The following BIRC6 variants were observed in gnomAD, a reference collection of about 807,000 sequenced individuals.
BIRC6 encodes the protein baculoviral IAP repeat containing 6, also known as dual E2 ubiquitin-conjugating enzyme/E3 ubiquitin-protein ligase BIRC6.
Under a neutral mutation model 503.3 loss-of-function variants are expected in BIRC6, and 98 were observed. The ratio of observed to expected loss-of-function variants is 0.19; its 90% confidence interval spans 0.17 to 0.23. BIRC6 has a LOEUF of 0.23. Among genes scored for constraint, BIRC6 ranks in the 10% least tolerant of loss-of-function variants. BIRC6 has a pLI of 1.00. For synonymous variants in BIRC6, 2,240 were observed against 2,078.7 expected, an observed-to-expected ratio of 1.08 and a Z score of -2.11; for missense variants, 5,360 against 5,806.0, an observed-to-expected ratio of 0.92 and a Z score of 2.50.
At chr2:32,428,621 AT>A (rs1192024106) in intron 10 of BIRC6, among the ~76,000 whole-genome samples, 1 of 152,126 alleles carries the variant, frequency 6.6e-6, no homozygotes, top group Non-Finnish European at 1.5e-5. Context: ...TTACCCATTA[AT>A]TTTTTTGTCT....
At chr2:32,557,786 ATTC>A (rs2058885842) in intron 65 of BIRC6, 1 of 152,204 alleles carries the variant, frequency 6.6e-6, no homozygotes, top group East Asian at 1.9e-4. Flanking sequence ...GTCAAGATAG[ATTC>A]TTCTTTTTCT....
intron 46 of BIRC6, among the ~76,000 whole-genome samples, chr2:32,500,493 C>T (rs941188610): frequency 1.3e-5 from 2 of 151,480 alleles, no homozygotes; most frequent in African/African-American, 4.9e-5. Context: ...TCTCGGCTCA[C>T]TGTAACCCCC....
At chr2:32,484,896 A>G (rs1480292758) in intron 39 of BIRC6, among the ~76,000 whole-genome samples, 2 of 152,094 alleles carry the variant, frequency 1.3e-5, no homozygotes, top group Non-Finnish European at 1.5e-5. Context: ...GATATTCACA[A>G]TGTTGTCATC....
chr2:32,459,012 A>T (rs2047545862), intron 23 of BIRC6, among the ~76,000 whole-genome samples: 1 of 152,148 alleles, frequency 6.6e-6, no homozygotes, highest in African/African-American at 2.4e-5. Flanking sequence ...GCGTAACAAT[A>T]GTCTTAGTGT....
Position 32,503,149 on chromosome 2 carries a change from A to C in BIRC6, c.9412A>C (p.Asn3138His), listed in dbSNP as rs1220382538. 2 of 1,612,838 alleles carry C rather than the reference A, an allele frequency of 1.2e-6. No individual in the cohort carries two copies. The highest frequency in any genetic ancestry group is 1.3e-5 in the African/African-American group (1 of 75,040). Reference protein sequence around the residue: ...TIMKFLDSGPNKAVDSTLKTR... With the variant: ...TIMKFLDSGPHKAVDSTLKTR... ...TATGAAATTTCTTGACTCTGGTCCA[A>C]ATAAAGCTGTTGACAGCACATTGAA... is the stretch of plus-strand genomic sequence containing the variant. The change falls in exon 49 of 74, where the codon AAT becomes CAT. Residue 3138 changes from asparagine to histidine, a missense_variant. By Grantham distance (68) the Asn-to-His change is moderately conservative. This residue lies in a region of BIRC6 where 267 missense variants were observed against 287.6 expected (regional missense o/e 0.93). Coordinates refer to ENST00000421745, the MANE Select transcript of BIRC6 (RefSeq NM_016252.4).
At chr2:32,605,780 C>T (rs369546910) in intron 71 of BIRC6, among the ~76,000 whole-genome samples, 1 of 152,146 alleles carries the variant, frequency 6.6e-6, no homozygotes, top group Non-Finnish European at 1.5e-5. Context: ...ATTGCTTGAA[C>T]CCGGGAGGCA....
intron 73 of BIRC6, among the ~76,000 whole-genome samples, chr2:32,614,666 A>T (rs1345657349): frequency 3.0e-5 from 3 of 99,848 alleles, no homozygotes; most frequent in Non-Finnish European, 7.1e-5. Flanking sequence ...CAACTCTATT[A>T]AAAGAAAATA....
chr2:32,454,137 T>C (rs1488710733), intron 23 of BIRC6, among the ~76,000 whole-genome samples, 195 bp downstream of exon 23: 2 of 152,168 alleles, frequency 1.3e-5, no homozygotes, highest in Non-Finnish European at 2.9e-5. Context: ...GGGTTATTTT[T>C]CCCCCTGTAC....
chr2:32,395,941 C>G (rs2039828319), intron 6 of BIRC6, among the ~76,000 whole-genome samples: 1 of 152,092 alleles, frequency 6.6e-6, no homozygotes, highest in Non-Finnish European at 1.5e-5. Context: ...TGGAGAGAGC[C>G]TTATAGTATA....
At chr2:32,538,731 G>A (rs1244497902) in intron 61 of BIRC6, among the ~76,000 whole-genome samples, 1 of 152,184 alleles carries the variant, frequency 6.6e-6, no homozygotes, top group African/African-American at 2.4e-5. Context: ...AGGAGTTCAA[G>A]ACCAGCCTGG....
intron 1 of BIRC6, among the ~76,000 whole-genome samples, chr2:32,359,419 A>T (rs2033694752): frequency 6.6e-6 from 1 of 152,202 alleles, no homozygotes; most frequent in African/African-American, 2.4e-5. Flanking sequence ...CATGGAAGGA[A>T]AGACAATATT....
chr2:32,453,758 C>T, intron 22 of BIRC6, 50 bp from the exon 23 acceptor site: 1 of 1,577,348 alleles, frequency 6.3e-7, no homozygotes, highest in Non-Finnish European at 8.7e-7. Context: ...GTGACTATTG[C>T]TTTTTAAAAA....
At chr2:32,380,554 C>A (rs2037471217) in intron 3 of BIRC6, among the ~76,000 whole-genome samples, 1 of 152,018 alleles carries the variant, frequency 6.6e-6, no homozygotes, top group African/African-American at 2.4e-5. Flanking sequence ...TGGCGAAACC[C>A]CATCTCTATT....
chr2:32,508,580 T>C (rs2054053213), intron 51 of BIRC6, among the ~76,000 whole-genome samples: 1 of 152,134 alleles, frequency 6.6e-6, no homozygotes, highest in South Asian at 2.1e-4. Context: ...CAAATGCCTA[T>C]GACCAGCCTA....
At chr2:32,446,292 G>A (rs1377686462) in intron 21 of BIRC6, among the ~76,000 whole-genome samples, 1 of 152,160 alleles carries the variant, frequency 6.6e-6, no homozygotes, top group South Asian at 2.1e-4. Flanking sequence ...CACTTTATAG[G>A]TGGAATTATG....
At chr2:32,478,872 A>T in intron 36 of BIRC6, 54 bp downstream of exon 36, 1 of 1,549,292 alleles carries the variant, frequency 6.5e-7, no homozygotes, top group Non-Finnish European at 8.9e-7. Flanking sequence ...GTCATTGCTC[A>T]ACTAAGAATC....
chr2:32,498,714 A>G (rs2052792926), intron 45 of BIRC6, among the ~76,000 whole-genome samples: 1 of 152,126 alleles, frequency 6.6e-6, no homozygotes, highest in African/African-American at 2.4e-5. Context: ...CAGCCTCCTG[A>G]GTAGCTGGGA....
intron 73 of BIRC6, among the ~76,000 whole-genome samples, chr2:32,611,820 T>G (rs1375627762): frequency 6.6e-6 from 1 of 152,232 alleles, no homozygotes; most frequent in Non-Finnish European, 1.5e-5. Flanking sequence ...AACAGAGTTT[T>G]GTAAAGTTCC....
intron 10 of BIRC6, among the ~76,000 whole-genome samples, chr2:32,417,580 T>TA (rs750379761): frequency 9.9e-5 from 15 of 152,166 alleles, no homozygotes; most frequent in Non-Finnish European, 1.6e-4. Context: ...AGTTGAAGCC[T>TA]AAGTGACTGT....
Sources: gnomAD v4.1 joint callset for allele counts (sites outside exome capture counted in the v4.1 genomes callset) on GRCh38, gnomAD v4.1.1 for gene constraint, gnomAD v4.1.1 regional missense constraint, MANE v1.5 for transcripts, NCBI Gene and HGNC (gene_info 2026-07-23, HGNC 2026-07-21) for gene names.